The following VTI1A variants were observed in gnomAD, a reference collection of about 807,000 sequenced individuals.
VTI1A encodes the protein vesicle transport through interaction with t-SNAREs 1A, also known as vesicle transport through interaction with t-SNAREs homolog 1A.
A neutral mutation model predicts 34.9 loss-of-function variants in VTI1A; 22 were observed. That is an observed-to-expected ratio of 0.63 (90% confidence interval 0.45 to 0.90). The LOEUF (loss-of-function observed/expected upper bound fraction) is 0.90, where lower values mean the gene tolerates loss of function less well. VTI1A is among the 40% of genes least tolerant of loss of function. The pLI, the probability that VTI1A is intolerant of heterozygous loss-of-function variation, is 0.00. For synonymous variants in VTI1A, 87 were observed against 97.3 expected (o/e 0.89, Z 0.62); for missense variants, 268 against 275.6 (o/e 0.97, Z 0.20).
chr10:112,649,340 A>G (rs897697727), intron 5 of VTI1A, among the ~76,000 whole-genome samples: 71 of 152,212 alleles, frequency 4.7e-4, no homozygotes, highest in African/African-American at 1.6e-3. Context: ...TTTTGGTATC[A>G]TCTGGATTCT....
At chr10:112,474,275 G>A (rs929797298) in intron 3 of VTI1A, among the ~76,000 whole-genome samples, 1 of 151,700 alleles carries the variant, frequency 6.6e-6, no homozygotes, top group African/African-American at 2.4e-5. Flanking sequence ...CTGTGGTCTC[G>A]ATCTCCTGAC....
chr10:112,798,081 G>A (rs1354661866), intron 7 of VTI1A, among the ~76,000 whole-genome samples: 4 of 152,194 alleles, frequency 2.6e-5, no homozygotes, highest in African/African-American at 4.8e-5. Context: ...CTTCCAGGGA[G>A]CACAGTGAGC....
intron 5 of VTI1A, among the ~76,000 whole-genome samples, chr10:112,549,362 T>G (rs1247338961): frequency 6.6e-6 from 1 of 152,220 alleles, no homozygotes. Context: ...AACACAGTCC[T>G]GGTCTGGGTT....
intron 3 of VTI1A, among the ~76,000 whole-genome samples, chr10:112,523,522 A>G (rs887993240): frequency 2.0e-5 from 3 of 152,130 alleles, no homozygotes; most frequent in African/African-American, 7.2e-5. Context: ...TAAACTTTAC[A>G]CAAACACACA....
At chr10:112,468,270 C>T (rs1415595633) in intron 3 of VTI1A, among the ~76,000 whole-genome samples, 1 of 152,158 alleles carries the variant, frequency 6.6e-6, no homozygotes, top group Non-Finnish European at 1.5e-5. Context: ...TTTACCACAC[C>T]ATCTCACATG....
intron 7 of VTI1A, among the ~76,000 whole-genome samples, chr10:112,778,157 T>C (rs1368937689): frequency 6.6e-6 from 1 of 152,172 alleles, no homozygotes; most frequent in Non-Finnish European, 1.5e-5. Context: ...AATAGCCTTA[T>C]GGAGCTCACA....
At chr10:112,839,417 G>A in the VTI1A span, among the ~76,000 whole-genome samples, 1 of 152,186 alleles carries the variant, frequency 6.6e-6, no homozygotes, top group African/African-American at 2.4e-5. Flanking sequence ...GGGAGTTCCA[G>A]GCAGAGGGAA....
chr10:112,747,095 AT>A (rs1389355355), intron 7 of VTI1A, among the ~76,000 whole-genome samples: 5 of 152,304 alleles, frequency 3.3e-5, no homozygotes, highest in African/African-American at 1.2e-4. Flanking sequence ...GGGCCTGTGC[AT>A]TTATCCACTG....
intron 7 of VTI1A, among the ~76,000 whole-genome samples, chr10:112,730,301 C>T (rs531273070): frequency 6.6e-6 from 1 of 152,216 alleles, no homozygotes; most frequent in African/African-American, 2.4e-5. Flanking sequence ...TTCCATTTCT[C>T]CTGGTGAGAA....
At chr10:112,698,160 A>G (rs1848862691) in intron 7 of VTI1A, among the ~76,000 whole-genome samples, 1 of 152,190 alleles carries the variant, frequency 6.6e-6, no homozygotes, top group African/African-American at 2.4e-5. Flanking sequence ...AACTCTAGGA[A>G]TCCCTGTTCT....
chr10:112,744,710 G>A (rs1385130519), intron 7 of VTI1A, among the ~76,000 whole-genome samples: 1 of 152,286 alleles, frequency 6.6e-6, no homozygotes, highest in Non-Finnish European at 1.5e-5. Flanking sequence ...CTCCCAAAGT[G>A]CTGGGATTAC....
intron 7 of VTI1A, among the ~76,000 whole-genome samples, chr10:112,799,175 G>T (rs568423251): frequency 2.3e-4 from 35 of 152,258 alleles, no homozygotes; most frequent in Non-Finnish European, 4.3e-4. Flanking sequence ...AGCCGCAGGG[G>T]TCAAGAGGGC....
intron 7 of VTI1A, among the ~76,000 whole-genome samples, chr10:112,808,761 G>T (rs973251324): frequency 6.6e-6 from 1 of 152,142 alleles, no homozygotes; most frequent in African/African-American, 2.4e-5. Context: ...AGGAAGCAGG[G>T]GTTCAAATAT....
chr10:112,459,095 T>C (rs1317148096), intron 1 of VTI1A, among the ~76,000 whole-genome samples: 1 of 152,194 alleles, frequency 6.6e-6, no homozygotes, highest in Non-Finnish European at 1.5e-5. Context: ...TTAGTCAGTC[T>C]CATTAGGCTC....
At chr10:112,744,600 A>G (rs1850823811) in intron 7 of VTI1A, among the ~76,000 whole-genome samples, 1 of 151,350 alleles carries the variant, frequency 6.6e-6, no homozygotes, top group Non-Finnish European at 1.5e-5. Context: ...ACATGTCACC[A>G]TGCATGACTT....
intron 5 of VTI1A, among the ~76,000 whole-genome samples, chr10:112,591,407 C>A (rs1844381832): frequency 1.3e-5 from 2 of 152,094 alleles, no homozygotes; most frequent in African/African-American, 4.8e-5. Flanking sequence ...GTAGTCCCAG[C>A]TACTCGGAAG....
chr10:112,527,340 A>G (rs761971358), intron 4 of VTI1A, 176 bp downstream of exon 4: 4 of 489,138 alleles, frequency 8.2e-6, no homozygotes, highest in African/African-American at 2.0e-5. Context: ...GAGATCTTAC[A>G]TTTAACCCTT....
At chr10:112,572,652 C>A (rs916177212) in intron 5 of VTI1A, among the ~76,000 whole-genome samples, 1 of 152,184 alleles carries the variant, frequency 6.6e-6, no homozygotes, top group East Asian at 1.9e-4. Flanking sequence ...TCTTGGCTAA[C>A]ACGGTGAAAC....
chr10:112,562,702 AAG>A (rs1009717934), intron 5 of VTI1A, among the ~76,000 whole-genome samples: 5 of 152,174 alleles, frequency 3.3e-5, no homozygotes, highest in Non-Finnish European at 5.9e-5. Context: ...AAAGGAGAGA[AAG>A]AGAGAGAAGA....
Sources: allele counts gnomAD v4.1 joint callset (sites outside exome capture counted in the v4.1 genomes callset), GRCh38; gene constraint gnomAD v4.1.1; transcripts MANE v1.5; gene names NCBI Gene and HGNC (gene_info 2026-07-23, HGNC 2026-07-21).